Variants in KRT12 observed in about 807,000 individuals in gnomAD.
KRT12 encodes the protein keratin, type I cytoskeletal 12.
Under a neutral mutation model 50.2 loss-of-function variants are expected in KRT12, and 43 were observed. The ratio of observed to expected loss-of-function variants is 0.86; its 90% CI spans 0.67 to 1.11. The LOEUF is 1.11. KRT12 is among the 50% of genes least tolerant of loss of function. The pLI, the probability that KRT12 is intolerant of heterozygous loss-of-function variation, is 0.00. For synonymous variants in KRT12, 257 were observed against 253.6 expected, an observed-to-expected ratio of 1.01 and a Z score of -0.13; for missense variants, 588 against 625.6, an observed-to-expected ratio of 0.94 and a Z score of 0.64.
Position 40,863,951 on chromosome 17 carries a change from C to A in KRT12, c.808-87G>T. On this transcript the variant is annotated intron_variant, in intron 3 of 7. Transcript: ENST00000251643. This position sits in a 1 kb window ranked among gnomAD's most constrained non-coding sequence, Gnocchi z 4.2. ...ATACTTTTGTCCTCTTGGGCCCCTT[C>A]CTACACACACACACACACACACACA... The A allele has an allele frequency of 2.8e-6, 2 of 707,372 alleles. No individual in the cohort carries two copies. Among genetic ancestry groups the A allele is most frequent in the African/African-American group, 2.0e-5 (1 of 49,780 alleles). 43.8% of individuals were successfully genotyped at this position (707,372 alleles called of 1,614,324 possible).
In KRT12 at chr17:40,863,881, A is replaced by T. The variant is rs368682115; in HGVS notation, c.808-17T>A. On this transcript the variant is annotated splice_polypyrimidine_tract_variant and intron_variant, in intron 3 of 7. Transcript: ENST00000251643. This position sits in a 1 kb window ranked among gnomAD's most constrained non-coding sequence, Gnocchi z 4.2. ...TTGGAGCTCCTGGGGACAGCATGTG[A>T]GAGAGAGGGGCACAGGGGTCCATTG... is the stretch of plus-strand genomic sequence containing the variant. The T allele has an allele frequency of 2.5e-3, 3,906 of 1,579,200 alleles. 11 individuals carry two copies. Among genetic ancestry groups the T allele is most frequent in the South Asian group, 4.2e-3 (366 of 87,776 alleles).
rs577208536 is a variant in KRT12 at position 40,866,542 on chromosome 17, G to A, written c.567+78C>T. The A allele has an allele frequency of 7.6e-5, 95 of 1,248,500 alleles. 1 individual carries two copies. The East Asian group carries it at 1.8e-3, about 23-fold the overall frequency. 77.3% of individuals were successfully genotyped at this position (1,248,500 alleles called of 1,614,324 possible). On this transcript the variant is annotated intron_variant, in intron 1 of 7. Coordinates refer to ENST00000251643, the MANE Select transcript of KRT12 (RefSeq NM_000223.4). ...TAAATTGGAAAATATCAAAGTTGTAGGTGATTATCACTGTAAAACATTGTA... is the reference window on the plus strand; with the variant it reads ...TAAATTGGAAAATATCAAAGTTGTAAGTGATTATCACTGTAAAACATTGTA...
intron 2 of KRT12, among the ~76,000 whole-genome samples, chr17:40,865,657 G>A (rs1224564939): frequency 1.4e-4 from 22 of 151,850 alleles, no homozygotes; most frequent in Non-Finnish European, 5.9e-5. Flanking sequence ...GTGAAACCCC[G>A]TCTCTACTAA....
rs1293920031 is a variant in KRT12, at chr17:40,861,576, C to T, written c.*85G>A. 4 of 855,458 alleles carry T rather than the reference C, an allele frequency of 4.7e-6. No homozygotes were observed. The highest frequency in any genetic ancestry group is 1.8e-5 in the Admixed American group (1 of 55,444). 53.0% of individuals were successfully genotyped at this position (855,458 alleles called of 1,614,324 possible). On this transcript the variant is annotated 3_prime_UTR_variant, in exon 8 of 8. Coordinates refer to ENST00000251643, the MANE Select transcript of KRT12 (RefSeq NM_000223.4). ...GACAAAAATAGGGATTGAAGTAATA[C>T]AGCATGTTACTCTGAAAGGAATAAT... is the stretch of plus-strand genomic sequence containing the variant.
At position 40,864,848 on chromosome 17, in the gene KRT12, G is replaced by T. The variant is rs773490192; in HGVS notation, c.765C>A (p.Ser255Arg). Residue 255 changes from serine to arginine, a missense_variant, in exon 3 of 8, where the codon AGC (serine) becomes AGA (arginine). By Grantham distance (110) the Ser-to-Arg change is moderately radical. Transcript: ENST00000251643. ...TCATGTAGGCCAGCTCCTCGTTCAG[G>T]CTCTCGATCTGCATCTCCAGGTCGG... ...TRTDLEMQIE[S>R]LNEELAYMKK... is the part of the protein sequence containing the mutation. 2 of 1,614,202 alleles carry T rather than the reference G, an allele frequency of 1.2e-6. No homozygotes were observed. Among genetic ancestry groups the T allele is most frequent in the Admixed American group, 3.3e-5 (2 of 60,020 alleles).
At chr17:40,864,322 A>G (rs1272658437) in intron 3 of KRT12, among the ~76,000 whole-genome samples, 1 of 152,136 alleles carries the variant, frequency 6.6e-6, no homozygotes, top group Non-Finnish European at 1.5e-5. Context: ...TCGAAAATCT[A>G]GTAGAAACTT....
chr17:40,863,462 C>G lies in KRT12; in HGVS notation c.1095+23G>C, dbSNP rs371863027. 2 of 1,614,214 alleles carry G rather than the reference C, an allele frequency of 1.2e-6. No homozygotes were observed. Among genetic ancestry groups the G allele is most frequent in the East Asian group, 2.2e-5 (1 of 44,880 alleles). ...TTCTTTGGAAGTCCAAAGGATGCTA[C>G]GTCTGTTTGCGCACGAGCCTACCAT... On this transcript the variant is annotated intron_variant, in intron 5 of 7. Transcript: ENST00000251643. This position sits in a 1 kb window ranked among gnomAD's most constrained non-coding sequence, Gnocchi z 4.2.
chr17:40,863,539 G>T lies in KRT12; in HGVS notation c.1041C>A (p.Asp347Glu). 1 of 1,614,272 alleles carries T rather than the reference G, an allele frequency of 6.2e-7. No individual in the cohort carries two copies. The highest frequency in any genetic ancestry group is 1.7e-5 in the Admixed American group (1 of 60,030). The change falls in exon 5 of 8, where the codon GAC becomes GAA. Residue 347 changes from aspartate (D) to glutamate (E), a missense_variant. Coordinates refer to ENST00000251643, the MANE Select transcript of KRT12 (RefSeq NM_000223.4). This position sits in a 1 kb window ranked among gnomAD's most constrained non-coding sequence, Gnocchi z 4.2. ...QLQSSKSEVT[D>E]LRRAFQNLEI... ...CCAGGTTCTGAAAGGCGCGACGCAGGTCGGTGACCTCGCTCTTGCTGGACT... is the reference window on the plus strand; with the variant it reads ...CCAGGTTCTGAAAGGCGCGACGCAGTTCGGTGACCTCGCTCTTGCTGGACT...
chr17:40,865,291 G>A (rs1341456503), intron 2 of KRT12, among the ~76,000 whole-genome samples: 1 of 152,138 alleles, frequency 6.6e-6, no homozygotes, highest in Non-Finnish European at 1.5e-5. Flanking sequence ...CTCTCTAAGT[G>A]GAATTTCTAA....
chr17:40,866,185 GC>G lies in KRT12; in HGVS notation c.619del (p.Ala207ArgfsTer3), dbSNP rs767654159. ...CCTGAAGTCCTCAGCAGCTAGTCTCGCATTGTCAATCTGCAAGAGGAGCTGG... is the reference window on the plus strand; with the variant it reads ...CCTGAAGTCCTCAGCAGCTAGTCTCGATTGTCAATCTGCAAGAGGAGCTGG... ...NAQLLLQIDN[A>X]RLAAEDFRMK... On this transcript the variant is annotated frameshift_variant, in exon 2 of 8. Coordinates refer to ENST00000251643, the MANE Select transcript of KRT12 (RefSeq NM_000223.4). LOFTEE classifies it high-confidence loss of function. The G allele has an allele frequency of 1.6e-5, 26 of 1,613,858 alleles. No homozygotes were observed. The highest frequency in any genetic ancestry group is 1.9e-5 in the Non-Finnish European group (23 of 1,179,916).
intron 2 of KRT12, 105 bp from the exon 3 acceptor site, chr17:40,865,067 A>G: frequency 8.3e-7 from 1 of 1,206,144 alleles, no homozygotes; most frequent in Middle Eastern, 1.9e-4. Flanking sequence ...CCTACTTAAT[A>G]ATGGCAGCAT....
In KRT12 at chr17:40,867,104, C is replaced by T. The variant is rs909101576; in HGVS notation, c.83G>A (p.Gly28Asp). Residue 28 changes from glycine to aspartate, a missense_variant, in exon 1 of 8, where the codon GGC (glycine) becomes GAC (aspartate). Physicochemically the swap from Gly to Asp is moderately conservative, Grantham distance 94. Coordinates refer to ENST00000251643, the MANE Select transcript of KRT12 (RefSeq NM_000223.4). ...GGAAGCAGACATGCCCCTGGGTCTGCCTATCACACTCTGCGAGGAGAGCCG... is the reference window on the plus strand; with the variant it reads ...GGAAGCAGACATGCCCCTGGGTCTGTCTATCACACTCTGCGAGGAGAGCCG... Reference protein sequence around the residue: ...SRRLSSQSVIGRPRGMSASSV... With the variant: ...SRRLSSQSVIDRPRGMSASSV... 6 of 1,613,966 alleles carry T rather than the reference C, an allele frequency of 3.7e-6. No individual in the cohort carries two copies. Among genetic ancestry groups the T allele is most frequent in the South Asian group, 1.1e-5 (1 of 91,074 alleles).
Position 40,863,369 on chromosome 17 carries a change from G to A in KRT12, c.1096-26C>T, listed in dbSNP as rs1285158346. The A allele has an allele frequency of 6.2e-7, 1 of 1,613,428 alleles. No individual in the cohort carries two copies. The highest frequency in any genetic ancestry group is 2.2e-5 in the East Asian group (1 of 44,880). On this transcript the variant is annotated intron_variant, in intron 5 of 7. Transcript: ENST00000251643. The surrounding 1 kb of genome is among the most constrained non-coding windows in gnomAD (Gnocchi z 4.2). ...CTGCACGTGGGAGGGAAATGGCATA[G>A]AAATAACGATGGAGGGGACCGAAAA...
chr17:40,863,716 C>G lies in KRT12; in HGVS notation c.956G>C (p.Trp319Ser), dbSNP rs1170994920. 6.2e-7 allele frequency: 1 copy of G among 1,613,910 alleles called. No homozygotes were observed. ...TGTTTGTGTTACCTTTTCAATGAAC[C>G]AGGCTTCAGCGTCCTTCCGATTCTG... ...AEQNRKDAEAWFIEKSGELRK... is the reference protein window; with the variant it reads ...AEQNRKDAEASFIEKSGELRK... The change falls in exon 4 of 8, where the codon TGG becomes TCG. Residue 319 changes from tryptophan to serine, a missense_variant. Transcript: ENST00000251643. This position sits in a 1 kb window ranked among gnomAD's most constrained non-coding sequence, Gnocchi z 4.2.
intron 3 of KRT12, among the ~76,000 whole-genome samples, chr17:40,864,073 C>A: frequency 6.6e-6 from 1 of 151,680 alleles, no homozygotes. Flanking sequence ...CCTCAAAATT[C>A]ATATTTTTCT....
chr17:40,863,706 T>C lies in KRT12; in HGVS notation c.966A>G (p.Glu322=). The C allele has an allele frequency of 1.2e-6, 2 of 1,614,078 alleles. No homozygotes were observed. The highest frequency in any genetic ancestry group is 2.2e-5 in the South Asian group (2 of 91,080). ...AAGCCTTTGTTGTTTGTGTTACCTT[T>C]TCAATGAACCAGGCTTCAGCGTCCT... is the stretch of plus-strand genomic sequence containing the variant. ...NRKDAEAWFI[E]KSGELRKEIS... is the part of the protein sequence containing the mutation. The change falls in exon 4 of 8, where the codon GAA becomes GAG. Residue 322 remains glutamate (E), a synonymous_variant. Coordinates refer to ENST00000251643, the MANE Select transcript of KRT12 (RefSeq NM_000223.4). The surrounding 1 kb of genome is among the most constrained non-coding windows in gnomAD (Gnocchi z 4.2).
At position 40,863,752 on chromosome 17, in the gene KRT12, G is replaced by T; in HGVS notation, c.920C>A (p.Thr307Asn). ...GTCCTTCCGATTCTGCTCAGCGATG[G>T]TTTCATACTGCGCCCGCATATCATT... ...LLNDMRAQYE[T>N]IAEQNRKDAE... The change falls in exon 4 of 8, where the codon ACC becomes AAC. Residue 307 changes from threonine to asparagine, a missense_variant. Coordinates refer to ENST00000251643, the MANE Select transcript of KRT12 (RefSeq NM_000223.4). This position sits in a 1 kb window ranked among gnomAD's most constrained non-coding sequence, Gnocchi z 4.2. 1 of 1,613,394 alleles carries T rather than the reference G, an allele frequency of 6.2e-7. No individual in the cohort carries two copies. Among genetic ancestry groups the T allele is most frequent in the South Asian group, 1.1e-5 (1 of 91,050 alleles).
At chr17:40,861,796 G>T in intron 7 of KRT12, 38 bp from the exon 8 acceptor site, 1 of 1,307,842 alleles carries the variant, frequency 7.6e-7, no homozygotes, top group Non-Finnish European at 1.1e-6. Context: ...AAGAGTTAGT[G>T]TTTCAAATAT....
chr17:40,864,711 T>C, intron 3 of KRT12, 95 bp downstream of exon 3: 2 of 1,288,672 alleles, frequency 1.6e-6, no homozygotes, highest in Non-Finnish European at 2.3e-6. Context: ...TTCTCCATAC[T>C]TGTCCTGACT....
Sources: gnomAD v4.1 joint callset for allele counts (sites outside exome capture counted in the v4.1 genomes callset) on GRCh38, gnomAD v4.1.1 for gene constraint, Gnocchi (gnomAD v3.1) non-coding constraint, MANE v1.5 for transcripts, NCBI Gene and HGNC (gene_info 2026-07-23, HGNC 2026-07-21) for gene names.